GALNT18: variants seen among roughly 807,000 people sequenced by gnomAD.
GALNT18 encodes GalNAc-transferase 18.
In GALNT18, 44 loss-of-function variants were observed where a neutral mutation model predicts 69.5. The observed-to-expected ratio is 0.63, with a 90% CI of 0.50 to 0.81. The LOEUF (loss-of-function observed/expected upper bound fraction) is 0.81, where lower values mean the gene tolerates loss of function less well. Ranked by LOEUF, GALNT18 falls within the 40% of genes least tolerant of loss-of-function variation. The probability of loss-of-function intolerance (pLI) is 0.00; values close to 1 mark genes in which losing one functional copy is unlikely to be tolerated. For missense variants in GALNT18, 715 were observed against 810.0 expected, an observed-to-expected ratio of 0.88 and a Z score of 1.42; for synonymous variants, 364 against 318.2, an observed-to-expected ratio of 1.14 and a Z score of -1.53.
In GALNT18 at chr11:11,377,815, G is replaced by A. The variant is rs1853806108; in HGVS notation, c.780-436C>T. 6.6e-6 allele frequency among the ~76,000 whole-genome samples: 1 copy of A among 152,190 alleles called. No homozygotes were observed. The highest frequency in any genetic ancestry group is 2.4e-5 in the African/African-American group (1 of 41,452). ...GGAAAAGACAGATGAGGATGGCAGAGACTAGGAGCTGAGAACAAACCTACA... is the reference window on the plus strand; with the variant it reads ...GGAAAAGACAGATGAGGATGGCAGAAACTAGGAGCTGAGAACAAACCTACA... On this transcript the variant is annotated intron_variant, in intron 4 of 10. Transcript: ENST00000227756. This position sits in a 1 kb window ranked among gnomAD's most constrained non-coding sequence, Gnocchi z 4.6.
At chr11:11,397,645 A>G (rs1854365097) in intron 3 of GALNT18, among the ~76,000 whole-genome samples, 1 of 151,932 alleles carries the variant, frequency 6.6e-6, no homozygotes, top group Non-Finnish European at 1.5e-5. Context: ...TTGTTTTTGT[A>G]TTTTTAGTAG....
At chr11:11,299,151 T>C (rs1849449723) in intron 9 of GALNT18, among the ~76,000 whole-genome samples, 1 of 152,216 alleles carries the variant, frequency 6.6e-6, no homozygotes, top group African/African-American at 2.4e-5. Flanking sequence ...GTAGGGTTTT[T>C]ATTTTTTAAT....
In GALNT18 at chr11:11,562,518, G is replaced by T. The variant is rs1858537443; in HGVS notation, c.235+58841C>A. ...ACCCATAATACTCCCCTAGACCCTG[G>T]ACCTTCAAGTACACAGAACTGGGGC... is the stretch of plus-strand genomic sequence containing the variant. On this transcript the variant is annotated intron_variant, in intron 1 of 10. Coordinates refer to ENST00000227756, the MANE Select transcript of GALNT18 (RefSeq NM_198516.3). This position sits in a 1 kb window ranked among gnomAD's most constrained non-coding sequence, Gnocchi z 4.1. Among the ~76,000 whole-genome samples, 1 of 151,992 alleles carries T rather than the reference G, an allele frequency of 6.6e-6. No individual in the cohort carries two copies. Among genetic ancestry groups the T allele is most frequent in the South Asian group, 2.1e-4 (1 of 4,810 alleles).
intron 9 of GALNT18, among the ~76,000 whole-genome samples, chr11:11,304,529 C>T (rs1460880577): frequency 6.6e-6 from 1 of 152,150 alleles, no homozygotes; most frequent in Non-Finnish European, 1.5e-5. Context: ...GGGTGCATAT[C>T]CTATGCACTG....
rs1860175931 is a variant in GALNT18, at chr11:11,620,886, G to A, written c.235+473C>T. On this transcript the variant is annotated intron_variant, in intron 1 of 10. Coordinates refer to ENST00000227756, the MANE Select transcript of GALNT18 (RefSeq NM_198516.3). The surrounding 1 kb of genome is among the most constrained non-coding windows in gnomAD (Gnocchi z 6.9). The stretch of plus-strand genomic sequence containing the variant: ...TAGCCTCGCTTGTCCGGCAGCCTGC[G>A]GGTCTTAACTGCCAATAGTCAGGGC... Among the ~76,000 whole-genome samples, 1 of 152,170 alleles carries A rather than the reference G, an allele frequency of 6.6e-6. No individual in the cohort carries two copies. Among genetic ancestry groups the A allele is most frequent in the Non-Finnish European group, 1.5e-5 (1 of 68,026 alleles).
At chr11:11,589,195 C>T (rs949561756) in intron 1 of GALNT18, among the ~76,000 whole-genome samples, 3 of 152,144 alleles carry the variant, frequency 2.0e-5, no homozygotes, top group South Asian at 2.1e-4. Context: ...AAGGGGGCTG[C>T]GTTAGTTTGC....
intron 1 of GALNT18, among the ~76,000 whole-genome samples, chr11:11,552,244 A>T (rs1015377504): frequency 6.6e-6 from 1 of 152,202 alleles, no homozygotes; most frequent in Non-Finnish European, 1.5e-5. Context: ...AATTGTGGTC[A>T]CCCACCCCTC....
At chr11:11,499,079 C>T (rs1590054520) in intron 1 of GALNT18, among the ~76,000 whole-genome samples, 1 of 152,216 alleles carries the variant, frequency 6.6e-6, no homozygotes, top group African/African-American at 2.4e-5. Context: ...ATGCCAGCAA[C>T]TTACATATGT....
At chr11:11,512,038 C>T (rs1857176360) in intron 1 of GALNT18, among the ~76,000 whole-genome samples, 1 of 152,188 alleles carries the variant, frequency 6.6e-6, no homozygotes, top group Admixed American at 6.5e-5. Flanking sequence ...TACATGTATA[C>T]ATATACATAC....
At position 11,538,910 on chromosome 11, in the gene GALNT18, T is replaced by A. The variant is rs1382091434; in HGVS notation, c.235+82449A>T. ...AGAGATCCCAGTAAAAGATGCTTTG[T>A]CAACAGAGGTGCCCCCCAGATCCCT... On this transcript the variant is annotated intron_variant, in intron 1 of 10. Transcript: ENST00000227756. This position sits in a 1 kb window ranked among gnomAD's most constrained non-coding sequence, Gnocchi z 5.2. Among the ~76,000 whole-genome samples, 4 of 152,122 alleles carry A rather than the reference T, an allele frequency of 2.6e-5. No individual in the cohort carries two copies. Among genetic ancestry groups the A allele is most frequent in the Non-Finnish European group, 5.9e-5 (4 of 68,024 alleles).
At chr11:11,560,023 AATGGGATAGGATAGGATGGG>A (rs1315694164) in intron 1 of GALNT18, among the ~76,000 whole-genome samples, 3 of 56,110 alleles carry the variant, frequency 5.3e-5, no homozygotes. Flanking sequence ...GATATGATGG[AATGGGATAGGATAGGATGGG>A]ATGGGATGGG....
intron 1 of GALNT18, among the ~76,000 whole-genome samples, chr11:11,484,199 C>T (rs1248922677): frequency 6.6e-6 from 1 of 152,120 alleles, no homozygotes; most frequent in Non-Finnish European, 1.5e-5. Flanking sequence ...GCTGCTCATC[C>T]GAACCTGTTT....
At position 11,555,689 on chromosome 11, in the gene GALNT18, G is replaced by A. The variant is rs1565010059; in HGVS notation, c.235+65670C>T. On this transcript the variant is annotated intron_variant, in intron 1 of 10. Coordinates refer to ENST00000227756, the MANE Select transcript of GALNT18 (RefSeq NM_198516.3). The surrounding 1 kb of genome is among the most constrained non-coding windows in gnomAD (Gnocchi z 4.7). ...CTCATTTCCTTAACAGCATTACCAG[G>A]GAAGCAAGTAATGGTCAAGCCTTCC... Among the ~76,000 whole-genome samples the A allele has an allele frequency of 6.6e-6, 1 of 152,158 alleles. No homozygotes were observed.
chr11:11,275,612 C>T (rs111561529), intron 10 of GALNT18, among the ~76,000 whole-genome samples: 37 of 152,280 alleles, frequency 2.4e-4, no homozygotes, highest in Middle Eastern at 3.4e-3. Flanking sequence ...TTGCCCATGC[C>T]GATGTCCCGA....
intron 1 of GALNT18, among the ~76,000 whole-genome samples, chr11:11,471,121 C>T (rs957633294): frequency 5.3e-5 from 8 of 152,098 alleles, no homozygotes; most frequent in East Asian, 1.9e-4. Flanking sequence ...TCATTTCCCC[C>T]ACTTGCTTCC....
intron 1 of GALNT18, among the ~76,000 whole-genome samples, chr11:11,455,555 A>C (rs1344565818): frequency 2.0e-5 from 3 of 152,100 alleles, no homozygotes; most frequent in Non-Finnish European, 2.9e-5. Context: ...AGGAAAGAGC[A>C]CTCTGTGGGG....
intron 2 of GALNT18, among the ~76,000 whole-genome samples, chr11:11,448,483 G>A (rs983163924): frequency 3.3e-5 from 5 of 152,240 alleles, no homozygotes; most frequent in African/African-American, 1.2e-4. Context: ...TGATTGTAGT[G>A]TCCTTAACGA....
chr11:11,485,736 C>T (rs1024357951), intron 1 of GALNT18, among the ~76,000 whole-genome samples: 24 of 152,130 alleles, frequency 1.6e-4, no homozygotes, highest in Non-Finnish European at 3.4e-4. Context: ...CATGGGCCAG[C>T]ATGAAGAACA....
At position 11,546,966 on chromosome 11, in the gene GALNT18, T is replaced by G. The variant is rs1394640587; in HGVS notation, c.235+74393A>C. The stretch of plus-strand genomic sequence containing the variant: ...TTTAACTCTTGTCATTTTCATCTGA[T>G]GCCTCTCTGGGAGGCAGACAGCCTG... On this transcript the variant is annotated intron_variant, in intron 1 of 10. Coordinates refer to ENST00000227756, the MANE Select transcript of GALNT18 (RefSeq NM_198516.3). The surrounding 1 kb of genome is among the most constrained non-coding windows in gnomAD (Gnocchi z 5.8). Among the ~76,000 whole-genome samples the G allele has an allele frequency of 1.3e-5, 2 of 152,036 alleles. No individual in the cohort carries two copies. Among genetic ancestry groups the G allele is most frequent in the East Asian group, 1.9e-4 (1 of 5,188 alleles).
Sources: gnomAD v4.1 joint callset for allele counts (sites outside exome capture counted in the v4.1 genomes callset) on GRCh38, gnomAD v4.1.1 for gene constraint, Gnocchi (gnomAD v3.1) non-coding constraint, MANE v1.5 for transcripts, NCBI Gene and HGNC (gene_info 2026-07-23, HGNC 2026-07-21) for gene names.